CXCR3: variants seen among roughly 807,000 people sequenced by gnomAD.
CXCR3 encodes the protein C-X-C chemokine receptor type 3.
For synonymous variants in CXCR3, 136 were observed against 148.0 expected, an observed-to-expected ratio of 0.92 and a Z score of 0.59; for missense variants, 239 against 310.2, an observed-to-expected ratio of 0.77 and a Z score of 1.72.
intron 1 of CXCR3, chrX:71,617,838 TC>T: frequency 2.2e-6 from 1 of 453,692 alleles, no homozygotes; most frequent in Non-Finnish European, 3.4e-6. Flanking sequence ...ACCACCTTCC[TC>T]CCCAGCGCCT....
chrX:71,616,351 C>T lies in CXCR3; in HGVS notation c.*14G>A. On this transcript the variant is annotated 3_prime_UTR_variant, in exon 2 of 2. Coordinates refer to ENST00000373693, the MANE Select transcript of CXCR3 (RefSeq NM_001504.2). ...AGTCAGACTGTGGGCGAAAGGGGAG[C>T]CCGGATTCCGGCCTCACAAGCCCGA... 8.6e-7 allele frequency: 1 copy of T among 1,167,877 alleles called. No homozygotes were observed. The highest frequency in any genetic ancestry group is 1.8e-5 in the African/African-American group (1 of 56,688).
rs1165554730 is a variant in CXCR3, at chrX:71,617,286, G to A, written c.186C>T (p.Leu62=). The A allele has an allele frequency of 8.3e-7, 1 of 1,203,047 alleles. No individual in the cohort carries two copies. Among genetic ancestry groups the A allele is most frequent in the Non-Finnish European group, 1.1e-6 (1 of 890,846 alleles). The change falls in exon 2 of 2, where the codon CTC becomes CTT. Residue 62 remains leucine, a synonymous_variant. Coordinates refer to ENST00000373693, the MANE Select transcript of CXCR3 (RefSeq NM_001504.2). ...DRAFLPALYS[L]LFLLGLLGNG... ...TGCCCAGCAGCCCCAGCAGAAAGAG[G>A]AGGCTGTAGAGGGCTGGCAGGAAGG...
At position 71,616,821 on chromosome X, in the gene CXCR3, C is replaced by G. The variant is rs750808524; in HGVS notation, c.651G>C (p.Val217=). Residue 217 remains valine, a synonymous_variant, in exon 2 of 2, where the codon GTG becomes GTC. Transcript: ENST00000373693. ...GCAGAAAGCCAGCCACCAGCTGCAG[C>G]ACCCGCAGAGCCGTGCGGCCCACCT... ...FPQVGRTALR[V]LQLVAGFLLP... The G allele has an allele frequency of 3.3e-6, 4 of 1,209,136 alleles. No individual in the cohort carries two copies. In the East Asian group the frequency reaches 1.2e-4, roughly 36 times the overall value.
At chrX:71,618,240 G>A (rs775718251) in intron 1 of CXCR3, 198 bp downstream of exon 1, 3 of 174,337 alleles carry the variant, frequency 1.7e-5, no homozygotes, top group Non-Finnish European at 2.6e-5. Context: ...CCAGAGAGGA[G>A]AGGAGAGGCA....
chrX:71,617,558 C>T (rs1009155275), intron 1 of CXCR3, 99 bp from the exon 2 acceptor site: 1 of 1,149,243 alleles, frequency 8.7e-7, no homozygotes, highest in Admixed American at 2.7e-5. Flanking sequence ...CTCTGAGCAG[C>T]TCCTCCTATA....
rs1390589164 is a variant in CXCR3, at chrX:71,616,825, C to T, written c.647G>A (p.Arg216Gln). ...AAAGCCAGCCACCAGCTGCAGCACC[C>T]GCAGAGCCGTGCGGCCCACCTGTGG... ...NFPQVGRTAL[R>Q]VLQLVAGFLL... Residue 216 changes from arginine to glutamine, a missense_variant, in exon 2 of 2, where the codon CGG (arginine) becomes CAG (glutamine). Transcript: ENST00000373693. 6 of 1,209,316 alleles carry T rather than the reference C, an allele frequency of 5.0e-6. No individual in the cohort carries two copies. The highest frequency in any genetic ancestry group is 1.8e-5 in the South Asian group (1 of 56,459).
rs2040858596 is a variant in CXCR3 at position 71,617,259 on chromosome X, G to A, written c.213C>T (p.Asn71=). ...TCAGCAGCACGGCTGCCACCGCGCC[G>A]TTGCCCAGCAGCCCCAGCAGAAAGA... is the stretch of plus-strand genomic sequence containing the variant. ...SLLFLLGLLG[N]GAVAAVLLSR... The change falls in exon 2 of 2, where the codon AAC becomes AAT. Residue 71 remains asparagine (N), a synonymous_variant. Coordinates refer to ENST00000373693, the MANE Select transcript of CXCR3 (RefSeq NM_001504.2). 8.3e-7 allele frequency: 1 copy of A among 1,199,102 alleles called. No homozygotes were observed. Among genetic ancestry groups the A allele is most frequent in the Non-Finnish European group, 1.1e-6 (1 of 888,999 alleles).
chrX:71,617,767 C>T, intron 1 of CXCR3: 3 of 977,257 alleles, frequency 3.1e-6, no homozygotes, highest in Non-Finnish European at 4.0e-6. Context: ...TCCTCTCTCT[C>T]CCTGCTCTCC....
chrX:71,617,525 A>C (rs1369177989), intron 1 of CXCR3, 66 bp from the exon 2 acceptor site: 1 of 1,179,783 alleles, frequency 8.5e-7, no homozygotes, highest in Admixed American at 2.5e-5. Flanking sequence ...TTTGTGATTG[A>C]GTCTGATTTA....
At chrX:71,618,386 CG>C (rs1332349331) in intron 1 of CXCR3, 51 bp downstream of exon 1, 1 of 1,209,826 alleles carries the variant, frequency 8.3e-7, no homozygotes, top group East Asian at 3.0e-5. Context: ...CCTGATGCCC[CG>C]GGTTTTCCAC....
chrX:71,617,714 A>G, intron 1 of CXCR3: 1 of 1,088,483 alleles, frequency 9.2e-7, no homozygotes, highest in African/African-American at 1.9e-5. Flanking sequence ...CTGGGCAGGA[A>G]GAAGAGCGTC....
chrX:71,617,761 C>T, intron 1 of CXCR3: 1 of 1,006,660 alleles, frequency 9.9e-7, no homozygotes, highest in Non-Finnish European at 1.3e-6. Flanking sequence ...CCACTGTCCT[C>T]TCTCTCCCTG....
rs866680405 is a variant in CXCR3 at position 71,617,224 on chromosome X, G to A, written c.248C>T (p.Thr83Ile). The change falls in exon 2 of 2, where the codon ACA becomes ATA. Residue 83 changes from threonine (T) to isoleucine (I), a missense_variant. Coordinates refer to ENST00000373693, the MANE Select transcript of CXCR3 (RefSeq NM_001504.2). ...GAAGGTGTCGGTGCTGCTCAGGGCTGTCCGCCGGCTCAGCAGCACGGCTGC... is the reference window on the plus strand; with the variant it reads ...GAAGGTGTCGGTGCTGCTCAGGGCTATCCGCCGGCTCAGCAGCACGGCTGC... ...AVAAVLLSRRTALSSTDTFLL... is the reference protein window; with the variant it reads ...AVAAVLLSRRIALSSTDTFLL... The A allele has an allele frequency of 1.7e-6, 2 of 1,199,054 alleles. No homozygotes were observed. The highest frequency in any genetic ancestry group is 3.5e-5 in the African/African-American group (2 of 57,150).
chrX:71,617,108 C>T lies in CXCR3; in HGVS notation c.364G>A (p.Gly122Ser). Reference sequence around the variant, plus strand: ...AGGGCACCTGCCACTTTGCAGAGGCCAGAGCCAAAGACCCACTGGACGGCA... The same window carrying T: ...AGGGCACCTGCCACTTTGCAGAGGCTAGAGCCAAAGACCCACTGGACGGCA... ...DAAVQWVFGS[G>S]LCKVAGALFN... Residue 122 changes from glycine to serine, a missense_variant, in exon 2 of 2, where the codon GGC (glycine) becomes AGC (serine). Coordinates refer to ENST00000373693, the MANE Select transcript of CXCR3 (RefSeq NM_001504.2). The T allele has an allele frequency of 8.3e-7, 1 of 1,202,351 alleles. No homozygotes were observed. Among genetic ancestry groups the T allele is most frequent in the Non-Finnish European group, 1.1e-6 (1 of 888,779 alleles).
chrX:71,617,401 C>T lies in CXCR3; in HGVS notation c.71G>A (p.Ser24Asn). The T allele has an allele frequency of 8.3e-7, 1 of 1,211,736 alleles. No homozygotes were observed. The highest frequency in any genetic ancestry group is 1.1e-6 in the Non-Finnish European group (1 of 895,491). The change falls in exon 2 of 2, where the codon AGC becomes AAC. Residue 24 changes from serine to asparagine, a missense_variant. Transcript: ENST00000373693. The part of the protein sequence containing the change: ...AEVAALLENF[S>N]SSYDYGENES... ...GTTTTCTCCATAGTCATAGGAAGAG[C>T]TGAAGTTCTCCAGGAGGGCGGCAAC...
At chrX:71,617,748 T>G (rs1249968105) in intron 1 of CXCR3, 17 of 1,035,925 alleles carry the variant, frequency 1.6e-5, no homozygotes, top group Non-Finnish European at 2.0e-5. Context: ...GAGCCCTCTC[T>G]GCCCACTGTC....
chrX:71,616,615 A>G lies in CXCR3; in HGVS notation c.857T>C (p.Leu286Ser). Residue 286 changes from leucine to serine, a missense_variant, in exon 2 of 2, where the codon TTG (leucine) becomes TCG (serine). By Grantham distance (145) the Leu-to-Ser change is moderately radical (BLOSUM62 -2). Transcript: ENST00000373693. ...LVDILMDLGA[L>S]ARNCGRESRV... The stretch of plus-strand genomic sequence containing the variant: ...GCTTTCTCGGCCACAGTTGCGGGCC[A>G]AAGCGCCCAGGTCCATGAGGATGTC... 1 of 1,212,134 alleles carries G rather than the reference A, an allele frequency of 8.2e-7. No individual in the cohort carries two copies. The highest frequency in any genetic ancestry group is 1.1e-6 in the Non-Finnish European group (1 of 895,578).
At chrX:71,617,953 C>T (rs2040867226) in intron 1 of CXCR3, among the ~76,000 whole-genome samples, 1 of 91,024 alleles carries the variant, frequency 1.1e-5, no homozygotes, top group Non-Finnish European at 2.2e-5. Context: ...GGCCTCTCTA[C>T]AAGTCACCAC....
Position 71,616,089 on chromosome X carries a change from T to C in CXCR3, c.*276A>G. 1 of 342,431 alleles carries C rather than the reference T, an allele frequency of 2.9e-6. No individual in the cohort carries two copies. Among genetic ancestry groups the C allele is most frequent in the Non-Finnish European group, 5.0e-6 (1 of 199,324 alleles). 28.2% of individuals were successfully genotyped at this position (342,431 alleles called of 1,213,427 possible). On this transcript the variant is annotated 3_prime_UTR_variant, in exon 2 of 2. Transcript: ENST00000373693. ...ACGCCATGCCTTGTACTCCCCGCACTTGGGGAAGATGAAGTTTTAGTTTCC... is the reference window on the plus strand; with the variant it reads ...ACGCCATGCCTTGTACTCCCCGCACCTGGGGAAGATGAAGTTTTAGTTTCC...
Sources: allele counts gnomAD v4.1 joint callset (sites outside exome capture counted in the v4.1 genomes callset), GRCh38; gene constraint gnomAD v4.1.1; transcripts MANE v1.5; gene names NCBI Gene and HGNC (gene_info 2026-07-23, HGNC 2026-07-21).